OPTN: variants seen among roughly 807,000 people sequenced by gnomAD.
OPTN encodes the protein optineurin, also known as E3-14.7K-interacting protein.
OPTN carries 54 observed loss-of-function variants against 70.4 expected under a neutral mutation model. The ratio of observed to expected loss-of-function variants is 0.77; its 90% CI spans 0.62 to 0.96. OPTN has a LOEUF of 0.96. OPTN is among the 40% of genes least tolerant of loss of function. OPTN has a pLI of 0.00. For synonymous variants in OPTN, 256 were observed against 248.5 expected (o/e 1.03, Z -0.28); for missense variants, 624 against 673.2 (o/e 0.93, Z 0.81).
chr10:13,109,408 G>A, intron 3 of OPTN, 120 bp downstream of exon 3: 1 of 1,007,186 alleles, frequency 9.9e-7, no homozygotes. Flanking sequence ...GGTAGCTGGT[G>A]GGGAAGCACA....
chr10:13,117,877 G>C (rs1412846548), intron 6 of OPTN, among the ~76,000 whole-genome samples: 1 of 152,212 alleles, frequency 6.6e-6, no homozygotes, highest in African/African-American at 2.4e-5. Flanking sequence ...GTAAGTATTA[G>C]ATAATATTCT....
chr10:13,119,981 C>CTT (rs35284693), intron 7 of OPTN, among the ~76,000 whole-genome samples: 1,452 of 117,604 alleles, frequency 0.012, 30 homozygotes, highest in African/African-American at 0.041. Flanking sequence ...TATTTTCTTT[C>CTT]TTTTTTTTTT....
intron 1 of OPTN, among the ~76,000 whole-genome samples, chr10:13,107,145 C>T (rs1832882786): frequency 1.3e-5 from 2 of 151,980 alleles, no homozygotes; most frequent in Admixed American, 1.3e-4. Context: ...GAGGCCGAGG[C>T]CAGCAGATCA....
intron 9 of OPTN, 115 bp from the exon 10 acceptor site, chr10:13,125,303 C>A: frequency 8.7e-7 from 1 of 1,146,160 alleles, no homozygotes; most frequent in Non-Finnish European, 1.3e-6. Context: ...ATTTTGCATT[C>A]ATAAACCCTA....
intron 6 of OPTN, 70 bp downstream of exon 6, chr10:13,116,410 G>A (rs943539114): frequency 2.5e-5 from 26 of 1,044,470 alleles, no homozygotes; most frequent in African/African-American, 9.4e-5. Context: ...GCTTGTCACC[G>A]GAGGTCAAAT....
rs1410311610 is a variant in OPTN at position 13,138,070 on chromosome 10, A to G, written c.*1204A>G. ...TCATTTAAGCTGTATACTTAGTCAT[A>G]TATCTTTCATTAGTTCTATGGATAT... On this transcript the variant is annotated 3_prime_UTR_variant, in exon 15 of 15. Coordinates refer to ENST00000378747, the MANE Select transcript of OPTN (RefSeq NM_001008212.2). 1 of 198,422 alleles carries G rather than the reference A, an allele frequency of 5.0e-6. No homozygotes were observed. The highest frequency in any genetic ancestry group is 1.0e-5 in the Non-Finnish European group (1 of 96,090). The allele number at this position is 198,422 out of a possible 1,614,324, so 12.3% of individuals were successfully genotyped here. A position where few individuals can be genotyped will look rare whatever the true frequency, so the allele number is the denominator to read the frequency against.
chr10:13,115,282 A>G (rs1294588239), intron 5 of OPTN, among the ~76,000 whole-genome samples: 1 of 30,156 alleles, frequency 3.3e-5, no homozygotes, highest in Non-Finnish European at 5.7e-5. Flanking sequence ...ATGAATACAT[A>G]TAATATATTC....
intron 12 of OPTN, among the ~76,000 whole-genome samples, chr10:13,131,731 G>T (rs971465785): frequency 1.4e-4 from 21 of 152,152 alleles, no homozygotes; most frequent in African/African-American, 4.8e-4. Flanking sequence ...ACTATATTAA[G>T]TAATCATTTA....
At chr10:13,120,645 G>A (rs529500628) in intron 7 of OPTN, among the ~76,000 whole-genome samples, 1 of 151,786 alleles carries the variant, frequency 6.6e-6, no homozygotes, top group Non-Finnish European at 1.5e-5. Context: ...GTTTGTTTCT[G>A]TGTATGTTGT....
At chr10:13,105,472 G>A (rs954744542) in intron 1 of OPTN, among the ~76,000 whole-genome samples, 2 of 152,094 alleles carry the variant, frequency 1.3e-5, no homozygotes, top group African/African-American at 4.8e-5. Flanking sequence ...TTTTTTCTGT[G>A]GCCTCCCTTA....
intron 13 of OPTN, 112 bp from the exon 14 acceptor site, chr10:13,133,390 T>C (rs1024760333): frequency 1.1e-6 from 1 of 874,606 alleles, no homozygotes; most frequent in Non-Finnish European, 1.9e-6. Flanking sequence ...TTATGAACCT[T>C]GGCAGTGTAG....
At position 13,110,282 on chromosome 10, in the gene OPTN, A is replaced by G; in HGVS notation, c.175A>G (p.Lys59Glu). ...CTCTGAACCTCCTGCAGAAGCCATG[A>G]AGCTAAATAATCAAGCCATGAAAGG... ...TENHQLKEAMKLNNQAMKGRF... is the reference protein window; with the variant it reads ...TENHQLKEAMELNNQAMKGRF... Residue 59 changes from lysine (K) to glutamate (E), a missense_variant, in exon 4 of 15, where the codon AAG (lysine) becomes GAG (glutamate). By Grantham distance (56) the Lys-to-Glu change is moderately conservative. Transcript: ENST00000378747. 3 of 1,613,992 alleles carry G rather than the reference A, an allele frequency of 1.9e-6. No individual in the cohort carries two copies. The highest frequency in any genetic ancestry group is 2.5e-6 in the Non-Finnish European group (3 of 1,179,996).
At chr10:13,124,370 T>A (rs1460415439) in intron 9 of OPTN, among the ~76,000 whole-genome samples, 1 of 152,200 alleles carries the variant, frequency 6.6e-6, no homozygotes, top group African/African-American at 2.4e-5. Flanking sequence ...GGGTAAGATC[T>A]CTACAGTAAA....
chr10:13,114,817 T>C (rs1833104259), intron 5 of OPTN, among the ~76,000 whole-genome samples: 1 of 107,058 alleles, frequency 9.3e-6, no homozygotes, highest in South Asian at 2.8e-4. Flanking sequence ...TATATAATTA[T>C]ATAATTATAT....
intron 8 of OPTN, 150 bp from the exon 9 acceptor site, chr10:13,123,845 T>C: frequency 1.5e-6 from 1 of 662,202 alleles, no homozygotes; most frequent in Non-Finnish European, 2.8e-6. Flanking sequence ...ATTCTTTTCC[T>C]ACACAATGTT....
At position 13,133,860 on chromosome 10, in the gene OPTN, G is replaced by C. The variant is rs7068612; in HGVS notation, c.1612+279G>C. Among the ~76,000 whole-genome samples the C allele has an allele frequency of 0.28, 42,469 of 151,968 alleles. 6,102 individuals carry two copies. Among genetic ancestry groups the C allele is most frequent in the Admixed American group, 0.39 (5,909 of 15,276 alleles). On this transcript the variant is annotated intron_variant, in intron 14 of 14. Transcript: ENST00000378747. ...ATTTCGCTGTGTCGTCCAGGCTGGA[G>C]TGCAGTGGCGAGATCTCGGCTCACT...
rs771930756 is a variant in OPTN, at chr10:13,125,550, T to TA, written c.1135dup (p.Thr379AsnfsTer4). 1.2e-6 allele frequency: 2 copies of TA among 1,614,078 alleles called. No homozygotes were observed. Among genetic ancestry groups the TA allele is most frequent in the Admixed American group, 1.7e-5 (1 of 60,022 alleles). The stretch of plus-strand genomic sequence containing the variant: ...TATCAGAAATCAAAATGGAACAGGC[T>TA]AAAACAGAGGATGAAAAGTGAGTAT... On this transcript the variant is annotated frameshift_variant, in exon 10 of 15. Coordinates refer to ENST00000378747, the MANE Select transcript of OPTN (RefSeq NM_001008212.2). LOFTEE classifies it high-confidence loss of function.
At position 13,107,534 on chromosome 10, in the gene OPTN, A is replaced by G. The variant is rs570904829; in HGVS notation, c.-163-604A>G. On this transcript the variant is annotated intron_variant, in intron 1 of 14. Coordinates refer to ENST00000378747, the MANE Select transcript of OPTN (RefSeq NM_001008212.2). Reference sequence around the variant, plus strand: ...GCTGGGACTACAGGCACCTGCCACCATGCTTGGCTAATTTTTTGTATTTTT... The same window carrying G: ...GCTGGGACTACAGGCACCTGCCACCGTGCTTGGCTAATTTTTTGTATTTTT... 3.3e-5 allele frequency among the ~76,000 whole-genome samples: 5 copies of G among 150,560 alleles called. No homozygotes were observed. In the East Asian group the frequency reaches 1.0e-3, roughly 31 times the overall value.
At chr10:13,122,050 A>G (rs1833362523) in intron 7 of OPTN, among the ~76,000 whole-genome samples, 1 of 152,248 alleles carries the variant, frequency 6.6e-6, no homozygotes, top group South Asian at 2.1e-4. Flanking sequence ...TATGAATGAG[A>G]TACCATGTTC....
Sources: gnomAD v4.1 joint callset for allele counts (sites outside exome capture counted in the v4.1 genomes callset) on GRCh38, gnomAD v4.1.1 for gene constraint, MANE v1.5 for transcripts, NCBI Gene and HGNC (gene_info 2026-07-23, HGNC 2026-07-21) for gene names.